Variants in DMD observed in about 807,000 individuals in gnomAD.
DMD encodes dystrophin.
Under a neutral mutation model 330.1 loss-of-function variants are expected in DMD, and 63 were observed. That is an observed-to-expected ratio of 0.19 (90% CI 0.16 to 0.24). The LOEUF (loss-of-function observed/expected upper bound fraction) is 0.24, where lower values mean the gene tolerates loss of function less well. DMD is among the 10% of genes least tolerant of loss of function. DMD has a pLI of 1.00. For synonymous variants in DMD, 1,223 were observed against 959.8 expected (o/e 1.27, Z -5.07); for missense variants, 3,344 against 2,684.1 (o/e 1.25, Z -5.43).
intron 44 of DMD, among the ~76,000 whole-genome samples, chrX:32,208,492 T>G (rs1400890995): frequency 2.7e-5 from 3 of 111,613 alleles, no homozygotes; most frequent in African/African-American, 9.8e-5. Context: ...AGACTGCCTC[T>G]GATTCCCAAA....
intron 2 of DMD, among the ~76,000 whole-genome samples, chrX:32,850,719 CTT>C (rs2081069814): frequency 9.0e-6 from 1 of 111,670 alleles, no homozygotes; most frequent in Non-Finnish European, 1.9e-5. Flanking sequence ...ATTTGTCTTT[CTT>C]TTGTCATACT....
intron 60 of DMD, among the ~76,000 whole-genome samples, chrX:31,371,441 GA>G (rs895045203): frequency 8.1e-5 from 9 of 110,721 alleles, no homozygotes; most frequent in African/African-American, 3.0e-4. Context: ...TTGGTAATAA[GA>G]AAAAAAACTA....
intron 56 of DMD, among the ~76,000 whole-genome samples, chrX:31,504,818 T>C (rs2070765630): frequency 8.9e-6 from 1 of 112,273 alleles, no homozygotes; most frequent in African/African-American, 3.2e-5. Flanking sequence ...TGAGTGCTTA[T>C]AACATATCCT....
intron 36 of DMD, 95 bp downstream of exon 36, chrX:32,364,487 C>A: frequency 1.0e-6 from 1 of 999,594 alleles, no homozygotes; most frequent in African/African-American, 1.9e-5. Context: ...GATTGTTTTA[C>A]TCTTATTAAG....
chrX:31,622,729 C>CA (rs1452502151), intron 55 of DMD, among the ~76,000 whole-genome samples: 2 of 107,723 alleles, frequency 1.9e-5, no homozygotes, highest in Non-Finnish European at 3.8e-5. Flanking sequence ...ACCCACCCCC[C>CA]AAAAAAGAAA....
chrX:32,132,643 T>C (rs1226820832), intron 44 of DMD, among the ~76,000 whole-genome samples: 2 of 111,553 alleles, frequency 1.8e-5, no homozygotes, highest in Non-Finnish European at 3.8e-5. Flanking sequence ...CTAAGGAATC[T>C]TGCTGCTAAT....
At chrX:32,517,982 G>A (rs761994416) in intron 18 of DMD, 26 bp downstream of exon 18, 1 of 1,205,598 alleles carries the variant, frequency 8.3e-7, no homozygotes, top group South Asian at 1.8e-5. Context: ...AATGAGTACA[G>A]ATATAAAAAT....
intron 58 of DMD, 79 bp from the exon 59 acceptor site, chrX:31,478,453 G>T: frequency 8.6e-7 from 1 of 1,167,171 alleles, no homozygotes; most frequent in Non-Finnish European, 1.2e-6. Context: ...CTGGAAGAAA[G>T]AAAGAGTACA....
chrX:31,209,753 A>G, intron 64 of DMD, 54 bp from the exon 65 acceptor site: 1 of 1,119,031 alleles, frequency 8.9e-7, no homozygotes, highest in Non-Finnish European at 1.2e-6. Context: ...CCTTCCTTTC[A>G]GTGTCCTTTT....
At chrX:32,759,433 C>A (rs1269445593) in intron 7 of DMD, among the ~76,000 whole-genome samples, 3 of 111,643 alleles carry the variant, frequency 2.7e-5, no homozygotes, top group South Asian at 7.5e-4. Flanking sequence ...ATTCTGATTT[C>A]CAGGTAGCAC....
At chrX:31,771,550 T>A (rs6631388) in intron 51 of DMD, among the ~76,000 whole-genome samples, 1 of 108,742 alleles carries the variant, frequency 9.2e-6, no homozygotes, top group African/African-American at 3.4e-5. Context: ...TCACTCAGTC[T>A]GGAGTGCAAT....
At chrX:32,734,536 T>C (rs2068161315) in intron 7 of DMD, among the ~76,000 whole-genome samples, 1 of 104,896 alleles carries the variant, frequency 9.5e-6, no homozygotes, top group South Asian at 4.3e-4. Context: ...GCAAAACGAA[T>C]CCAGCAGCAC....
At chrX:33,002,937 C>T (rs1250710877) in intron 2 of DMD, among the ~76,000 whole-genome samples, 2 of 105,529 alleles carry the variant, frequency 1.9e-5, no homozygotes, top group African/African-American at 6.9e-5. Context: ...ACCAGGTGTG[C>T]TAAAACAGAG....
intron 61 of DMD, among the ~76,000 whole-genome samples, chrX:31,341,891 G>GCACACACACA (rs58867858): frequency 1.8e-4 from 18 of 98,888 alleles, no homozygotes; most frequent in African/African-American, 4.4e-4. Flanking sequence ...GTGCGCGCGC[G>GCACACACACA]CACACACACA....
intron 60 of DMD, among the ~76,000 whole-genome samples, chrX:31,430,951 T>C (rs563711739): frequency 5.2e-4 from 56 of 108,144 alleles, no homozygotes; most frequent in Middle Eastern, 4.7e-3. Context: ...TACAGGCGCC[T>C]GCCACCATGC....
intron 2 of DMD, among the ~76,000 whole-genome samples, chrX:32,951,044 A>G (rs554870433): frequency 8.9e-6 from 1 of 111,829 alleles, no homozygotes; most frequent in Admixed American, 9.6e-5. Flanking sequence ...AACGTCACAC[A>G]CACCATAAAC....
chrX:33,013,971 T>A (rs1217584855), intron 2 of DMD, among the ~76,000 whole-genome samples: 1 of 112,230 alleles, frequency 8.9e-6, no homozygotes, highest in Admixed American at 9.5e-5. Context: ...AAAACCATAA[T>A]CAATAAAGAA....
At chrX:32,636,676 A>T (rs1241681099) in intron 11 of DMD, among the ~76,000 whole-genome samples, 2 of 111,915 alleles carry the variant, frequency 1.8e-5, no homozygotes, top group Admixed American at 1.9e-4. Context: ...TAACAATAAC[A>T]TAAAGAAGCT....
intron 12 of DMD, among the ~76,000 whole-genome samples, chrX:32,608,526 T>C (rs2056916663): frequency 9.0e-6 from 1 of 110,556 alleles, no homozygotes. Context: ...ACACCAGAGA[T>C]AACATCACCA....
Sources: allele counts gnomAD v4.1 joint callset (sites outside exome capture counted in the v4.1 genomes callset), GRCh38; gene constraint gnomAD v4.1.1; transcripts MANE v1.5; gene names NCBI Gene and HGNC (gene_info 2026-07-23, HGNC 2026-07-21).